Variants in CCNE1 observed in about 807,000 individuals in gnomAD.
CCNE1 encodes G1/S-specific cyclin-E1.
A neutral mutation model predicts 54.1 loss-of-function variants in CCNE1; 8 were observed. The observed-to-expected ratio is 0.15, with a 90% CI of 0.09 to 0.27. The LOEUF is 0.27. Ranked by LOEUF, CCNE1 falls within the 10% of genes least tolerant of loss-of-function variation. CCNE1 has a pLI of 1.00. For synonymous variants in CCNE1, 179 were observed against 185.2 expected (o/e 0.97, Z 0.27); for missense variants, 430 against 514.9 (o/e 0.84, Z 1.60).
chr19:29,812,092 T>TGCCGTCGCCGCC lies in CCNE1; in HGVS notation c.-80_-69dup, dbSNP rs1973898986. On this transcript the variant is annotated 5_prime_UTR_variant, in exon 1 of 12. Coordinates refer to ENST00000262643, the MANE Select transcript of CCNE1 (RefSeq NM_001238.4). The stretch of plus-strand genomic sequence containing the variant: ...CGACTCCCGGCGCCGCCGCCGCCAC[T>TGCCGTCGCCGCC]GCCGTCGCCGCCGCCGCCTGCCGGG... The TGCCGTCGCCGCC allele has an allele frequency of 6.9e-6, 1 of 144,136 alleles. No homozygotes were observed. Among genetic ancestry groups the TGCCGTCGCCGCC allele is most frequent in the Non-Finnish European group, 1.5e-5 (1 of 66,692 alleles). The allele number at this position is 144,136 out of a possible 1,614,324, so 8.9% of individuals were successfully genotyped here. A position where few individuals can be genotyped will look rare whatever the true frequency, so the allele number is the denominator to read the frequency against.
Position 29,824,032 on chromosome 19 carries a change from T to C in CCNE1, c.*255T>C, listed in dbSNP as rs745388220. 3 of 379,842 alleles carry C rather than the reference T, an allele frequency of 7.9e-6. No individual in the cohort carries two copies. The highest frequency in any genetic ancestry group is 1.4e-5 in the Non-Finnish European group (3 of 211,744). The allele number at this position is 379,842 out of a possible 1,614,324, so 23.5% of individuals were successfully genotyped here. On this transcript the variant is annotated 3_prime_UTR_variant, in exon 12 of 12. Coordinates refer to ENST00000262643, the MANE Select transcript of CCNE1 (RefSeq NM_001238.4). ...CCAGTGCGTGCTCCCGATGCTGCTATGGAAGGTGCTACTTGACCTAAGGGA... is the reference window on the plus strand; with the variant it reads ...CCAGTGCGTGCTCCCGATGCTGCTACGGAAGGTGCTACTTGACCTAAGGGA...
chr19:29,821,606 C>A, intron 7 of CCNE1, 116 bp from the exon 8 acceptor site: 17 of 294,990 alleles, frequency 5.8e-5, no homozygotes, highest in Middle Eastern at 1.2e-3. Flanking sequence ...TTAATTCCAT[C>A]AGTGCGCCCT....
intron 11 of CCNE1, among the ~76,000 whole-genome samples, chr19:29,823,235 A>C (rs1974193354): frequency 1.3e-5 from 2 of 151,992 alleles, no homozygotes. Context: ...ACATAGGGAG[A>C]CCCTGTCCCT....
chr19:29,823,678 C>T lies in CCNE1; in HGVS notation c.1134C>T (p.Ala378=). The T allele has an allele frequency of 6.2e-7, 1 of 1,614,088 alleles. No homozygotes were observed. Among genetic ancestry groups the T allele is most frequent in the South Asian group, 1.1e-5 (1 of 91,072 alleles). Residue 378 remains alanine, a synonymous_variant, in exon 12 of 12, where the codon GCC becomes GCT. Coordinates refer to ENST00000262643, the MANE Select transcript of CCNE1 (RefSeq NM_001238.4). The part of the protein sequence containing the change: ...DLLDKARAKK[A]MLSEQNRASP... ...AGGACAAAGCCCGAGCAAAGAAAGC[C>T]ATGTTGTCTGAACAAAATAGGGCTT...
At chr19:29,814,420 C>T (rs1047683192) in intron 4 of CCNE1, among the ~76,000 whole-genome samples, 7 of 152,166 alleles carry the variant, frequency 4.6e-5, no homozygotes, top group East Asian at 1.9e-4. Flanking sequence ...CCTCCTGGGA[C>T]GGATTGTGGC....
At chr19:29,820,566 CAAAA>C in intron 6 of CCNE1, 132 bp from the exon 7 acceptor site, 1 of 637,622 alleles carries the variant, frequency 1.6e-6, no homozygotes. Flanking sequence ...AACAAAAAAA[CAAAA>C]AACTATCAAT....
intron 5 of CCNE1, 28 bp downstream of exon 5, chr19:29,817,310 C>T: frequency 6.2e-7 from 1 of 1,614,102 alleles, no homozygotes; most frequent in Non-Finnish European, 8.5e-7. Context: ...CACATGGCTT[C>T]CAGGTCTCTT....
chr19:29,818,025 T>C (rs1006864505), intron 6 of CCNE1, among the ~76,000 whole-genome samples: 7 of 121,038 alleles, frequency 5.8e-5, no homozygotes, highest in African/African-American at 2.3e-4. Context: ...TCACGCCCAG[T>C]ATTTTTTTTT....
At chr19:29,815,643 G>GT (rs1568367751) in intron 4 of CCNE1, among the ~76,000 whole-genome samples, 1 of 145,152 alleles carries the variant, frequency 6.9e-6, no homozygotes, top group African/African-American at 2.6e-5. Context: ...TTTTTTTTGG[G>GT]GGGGGGACAG....
At chr19:29,812,496 G>GACCCCGCCGCCGCCTC (rs1249337414) in intron 1 of CCNE1, 36 bp from the exon 2 acceptor site, 11 of 1,259,544 alleles carry the variant, frequency 8.7e-6, no homozygotes, top group Admixed American at 4.3e-5. Flanking sequence ...CCCGCGGCCT[G>GACCCCGCCGCCGCCTC]ACCCCGCCGC....
At position 29,822,488 on chromosome 19, in the gene CCNE1, T is replaced by C. The variant is rs769332791; in HGVS notation, c.995T>C (p.Val332Ala). 1 of 1,614,132 alleles carries C rather than the reference T, an allele frequency of 6.2e-7. No individual in the cohort carries two copies. Among genetic ancestry groups the C allele is most frequent in the Non-Finnish European group, 8.5e-7 (1 of 1,180,004 alleles). ...ATAGAGAACTGTGTCAAGTGGATGG[T>C]TCCATTTGCCATGGTTATAAGGGAG... ...CDIENCVKWM[V>A]PFAMVIRETG... Residue 332 changes from valine to alanine, a missense_variant, in exon 11 of 12, where the codon GTT (valine) becomes GCT (alanine). Physicochemically the swap from Val to Ala is moderately conservative, Grantham distance 64. Around this residue, in one of 2 missense-constraint regions of CCNE1, gnomAD observed 303 missense variants for 401.1 expected, o/e 0.76. Coordinates refer to ENST00000262643, the MANE Select transcript of CCNE1 (RefSeq NM_001238.4).
chr19:29,813,147 C>T (rs1441487537), intron 4 of CCNE1, 110 bp downstream of exon 4: 7 of 984,544 alleles, frequency 7.1e-6, no homozygotes, highest in Admixed American at 2.0e-5. Flanking sequence ...GAGTGAACTT[C>T]TCTAATGCAG....
intron 8 of CCNE1, 67 bp from the exon 9 acceptor site, chr19:29,821,929 G>C (rs1396200145): frequency 6.4e-7 from 1 of 1,550,858 alleles, no homozygotes. Context: ...ATTGTGGCAT[G>C]GAACATGGCT....
chr19:29,814,988 G>T (rs3218038), intron 4 of CCNE1, among the ~76,000 whole-genome samples: 13,905 of 152,204 alleles, frequency 0.091, 1,025 homozygotes, highest in East Asian at 0.24. Context: ...GGAATCCCGT[G>T]GGTCTCTTAT....
At position 29,812,100 on chromosome 19, in the gene CCNE1, C is replaced by A. The variant is rs1356269240; in HGVS notation, c.-77C>A. The A allele has an allele frequency of 1.3e-5, 2 of 148,298 alleles. No individual in the cohort carries two copies. 9.2% of individuals were successfully genotyped at this position (148,298 alleles called of 1,614,324 possible). A position where few individuals can be genotyped will look rare whatever the true frequency, so the allele number is the denominator to read the frequency against. ...GGCGCCGCCGCCGCCACTGCCGTCGCCGCCGCCGCCTGCCGGGACTGGAGC... is the reference window on the plus strand; with the variant it reads ...GGCGCCGCCGCCGCCACTGCCGTCGACGCCGCCGCCTGCCGGGACTGGAGC... On this transcript the variant is annotated 5_prime_UTR_variant, in exon 1 of 12. Transcript: ENST00000262643.
chr19:29,823,411 G>C (rs1974198121), intron 11 of CCNE1, among the ~76,000 whole-genome samples: 1 of 152,142 alleles, frequency 6.6e-6, no homozygotes, highest in Non-Finnish European at 1.5e-5. Context: ...GGACATGGTG[G>C]CGGGTGCCTA....
chr19:29,822,956 A>G (rs1311445380), intron 11 of CCNE1, among the ~76,000 whole-genome samples: 1 of 149,494 alleles, frequency 6.7e-6, no homozygotes, highest in Non-Finnish European at 1.5e-5. Context: ...AAAAAAAAAA[A>G]CTGCCTAAAT....
intron 6 of CCNE1, among the ~76,000 whole-genome samples, chr19:29,818,594 A>G (rs76879628): frequency 2.6e-5 from 4 of 152,160 alleles, no homozygotes; most frequent in Non-Finnish European, 5.9e-5. Context: ...CTTGGAATCC[A>G]TTCCCTTTTC....
chr19:29,816,182 TCA>T (rs1974013220), intron 4 of CCNE1, among the ~76,000 whole-genome samples: 1 of 146,356 alleles, frequency 6.8e-6, no homozygotes, highest in Non-Finnish European at 1.5e-5. Context: ...AAGCCAAGTC[TCA>T]GACTTTCATA....
Sources: gnomAD v4.1 joint callset for allele counts (sites outside exome capture counted in the v4.1 genomes callset) on GRCh38, gnomAD v4.1.1 for gene constraint, gnomAD v4.1.1 regional missense constraint, MANE v1.5 for transcripts, NCBI Gene and HGNC (gene_info 2026-07-23, HGNC 2026-07-21) for gene names.